The following GRID2 variants were observed in gnomAD, a reference collection of about 807,000 sequenced individuals.
GRID2 encodes glutamate receptor ionotropic, delta-2.
Under a neutral mutation model 114.8 loss-of-function variants are expected in GRID2, and 33 were observed. That is an observed-to-expected ratio of 0.29 (90% CI 0.22 to 0.38). GRID2 has a LOEUF of 0.38. Among genes scored for constraint, GRID2 ranks in the 10% least tolerant of loss-of-function variants. The pLI is 1.00. For missense variants in GRID2, 1,184 were observed against 1,257.7 expected (o/e 0.94, Z 0.89); for synonymous variants, 505 against 449.9 (o/e 1.12, Z -1.55).
rs190135501 is a variant in GRID2 at position 92,473,377 on chromosome 4, G to A, written c.89-116754G>A. ...CATCGGTCGTCTTATAATAAGGAAA[G>A]TTTTATTTTTTCACTTTTTAATGGC... On this transcript the variant is annotated intron_variant, in intron 1 of 15. Coordinates refer to ENST00000282020, the MANE Select transcript of GRID2 (RefSeq NM_001510.4). Among the ~76,000 whole-genome samples the A allele has an allele frequency of 3.6e-3, 547 of 152,076 alleles. 1 individual carries two copies. The highest frequency in any genetic ancestry group is 5.8e-3 in the Non-Finnish European group (391 of 67,914).
intron 11 of GRID2, among the ~76,000 whole-genome samples, chr4:93,482,746 C>G (rs1425464926): frequency 2.6e-5 from 4 of 151,982 alleles, no homozygotes; most frequent in Middle Eastern, 3.4e-3. Flanking sequence ...GTAAATGGAA[C>G]AACTTACTCA....
intron 2 of GRID2, among the ~76,000 whole-genome samples, chr4:92,686,749 A>T (rs946135309): frequency 6.6e-6 from 1 of 151,972 alleles, no homozygotes; most frequent in Non-Finnish European, 1.5e-5. Context: ...TAATTTATTT[A>T]AAAAATTAGC....
At chr4:93,427,064 T>C (rs1768921509) in intron 10 of GRID2, among the ~76,000 whole-genome samples, 1 of 152,008 alleles carries the variant, frequency 6.6e-6, no homozygotes, top group South Asian at 2.1e-4. Context: ...CAGTCAACAT[T>C]AGAAAATGAC....
At chr4:93,197,742 G>A (rs900673467) in intron 4 of GRID2, among the ~76,000 whole-genome samples, 2 of 152,104 alleles carry the variant, frequency 1.3e-5, no homozygotes, top group African/African-American at 2.4e-5. Context: ...CTGAGACTCA[G>A]AGTATGTAAC....
At chr4:93,524,279 C>G (rs967405049) in intron 13 of GRID2, among the ~76,000 whole-genome samples, 1 of 152,044 alleles carries the variant, frequency 6.6e-6, no homozygotes, top group African/African-American at 2.4e-5. Context: ...TGCATTTGCC[C>G]TTTTGCCAAA....
rs151016792 is a variant in GRID2 at position 93,200,755 on chromosome 4, C to A, written c.736-6649C>A. ...CTGGTATTTCAGTAAAATTTTAGAA[C>A]CTTTAGAAATGTGTGGCTAAATTAA... is the stretch of plus-strand genomic sequence containing the variant. On this transcript the variant is annotated intron_variant, in intron 4 of 15. Coordinates refer to ENST00000282020, the MANE Select transcript of GRID2 (RefSeq NM_001510.4). Among the ~76,000 whole-genome samples the A allele has an allele frequency of 3.7e-3, 568 of 152,194 alleles. 4 individuals are homozygous for A. The highest frequency in any genetic ancestry group is 0.013 in the African/African-American group (543 of 41,510).
intron 8 of GRID2, among the ~76,000 whole-genome samples, chr4:93,386,046 TA>T (rs939916854): frequency 1.1e-3 from 164 of 150,084 alleles, no homozygotes; most frequent in Middle Eastern, 3.4e-3. Context: ...GGTTTATTAT[TA>T]AAAAAAAAAT....
At chr4:93,498,480 T>C (rs954489679) in intron 12 of GRID2, among the ~76,000 whole-genome samples, 1 of 151,880 alleles carries the variant, frequency 6.6e-6, no homozygotes, top group Admixed American at 6.6e-5. Context: ...ATCATAGTAA[T>C]TGAATTTTTA....
chr4:93,243,100 A>C (rs1747733939), intron 8 of GRID2, among the ~76,000 whole-genome samples: 1 of 152,008 alleles, frequency 6.6e-6, no homozygotes, highest in African/African-American at 2.4e-5. Context: ...TACCTTTGAC[A>C]CTTGAAATTT....
At chr4:93,415,677 C>T (rs1171211524) in intron 9 of GRID2, among the ~76,000 whole-genome samples, 5 of 152,030 alleles carry the variant, frequency 3.3e-5, no homozygotes, top group Non-Finnish European at 5.9e-5. Context: ...GTCTTGTCCA[C>T]TCTCCACTTA....
At chr4:92,982,418 T>C (rs909728391) in intron 2 of GRID2, among the ~76,000 whole-genome samples, 12 of 152,108 alleles carry the variant, frequency 7.9e-5, no homozygotes, top group Non-Finnish European at 1.5e-4. Flanking sequence ...AGCAATGACA[T>C]ATTATTTGAG....
At chr4:93,022,427 G>A (rs1182093322) in intron 2 of GRID2, among the ~76,000 whole-genome samples, 1 of 151,442 alleles carries the variant, frequency 6.6e-6, no homozygotes, top group African/African-American at 2.4e-5. Context: ...GTCATGTATT[G>A]GTATACATTT....
chr4:93,302,516 C>A (rs911101914), intron 8 of GRID2: 3 of 453,034 alleles, frequency 6.6e-6, no homozygotes, highest in Admixed American at 2.4e-5. Context: ...ATGTTTTCCA[C>A]TTATAATGTT....
chr4:92,362,557 T>C (rs187030926), intron 1 of GRID2, among the ~76,000 whole-genome samples: 3 of 152,138 alleles, frequency 2.0e-5, no homozygotes, highest in Admixed American at 2.0e-4. Context: ...TGTAAATGTA[T>C]AGTTACACCT....
At chr4:93,217,498 G>C (rs1416917799) in intron 6 of GRID2, among the ~76,000 whole-genome samples, 1 of 151,948 alleles carries the variant, frequency 6.6e-6, no homozygotes, top group Non-Finnish European at 1.5e-5. Context: ...TTACTCATAA[G>C]AATGCCCTTT....
intron 13 of GRID2, among the ~76,000 whole-genome samples, chr4:93,525,201 A>G (rs1308568717): frequency 2.0e-5 from 3 of 152,130 alleles, no homozygotes; most frequent in Non-Finnish European, 2.9e-5. Flanking sequence ...GGATGAGGCT[A>G]CTTCAGATCA....
At chr4:92,562,225 G>A (rs993474985) in intron 1 of GRID2, among the ~76,000 whole-genome samples, 1 of 152,068 alleles carries the variant, frequency 6.6e-6, no homozygotes, top group African/African-American at 2.4e-5. Flanking sequence ...AGTTTATTTA[G>A]ACTGAGGCCA....
intron 2 of GRID2, among the ~76,000 whole-genome samples, chr4:92,706,012 T>C (rs988067379): frequency 6.6e-6 from 1 of 152,224 alleles, no homozygotes; most frequent in African/African-American, 2.4e-5. Context: ...TATGATGGTC[T>C]AGACACCTCA....
At chr4:93,398,035 T>C (rs1765504000) in intron 9 of GRID2, among the ~76,000 whole-genome samples, 1 of 151,106 alleles carries the variant, frequency 6.6e-6, no homozygotes, top group Admixed American at 6.6e-5. Context: ...TATTGTCTTA[T>C]TTTGTCCTCA....
Sources: gnomAD v4.1 joint callset for allele counts (sites outside exome capture counted in the v4.1 genomes callset) on GRCh38, gnomAD v4.1.1 for gene constraint, MANE v1.5 for transcripts, NCBI Gene and HGNC (gene_info 2026-07-23, HGNC 2026-07-21) for gene names.